The following GSTM2 variants were observed in gnomAD, a reference collection of about 807,000 sequenced individuals.
GSTM2 encodes GST class-mu 2.
GSTM2 carries 33 observed loss-of-function variants against 33.3 expected under a neutral mutation model. The observed-to-expected ratio is 0.99, with a 90% CI of 0.75 to 1.33. The LOEUF is 1.33. Among genes scored for constraint, GSTM2 ranks in the 40% most tolerant of loss-of-function variants. The pLI is 0.00. For missense variants in GSTM2, 213 were observed against 265.8 expected, an observed-to-expected ratio of 0.80 and a Z score of 1.38; for synonymous variants, 93 against 95.6, an observed-to-expected ratio of 0.97 and a Z score of 0.16.
At chr1:109,677,583 C>T (rs189851263), downstream of GSTM2, among the ~76,000 whole-genome samples, 44 of 152,268 alleles carry the variant, frequency 2.9e-4, 1 homozygote, top group Admixed American at 6.5e-4. Context: ...TCCACTTACA[C>T]GAAAATCAGG....
intron 5 of GSTM2, chr1:109,670,013 T>C (rs539804196): frequency 1.2e-5 from 1 of 83,248 alleles, no homozygotes; most frequent in East Asian, 3.6e-4. Flanking sequence ...GGATTTATGG[T>C]GACGAGTGAA....
chr1:109,668,237 G>GT, intron 1 of GSTM2, 86 bp downstream of exon 1: 1 of 1,453,132 alleles, frequency 6.9e-7, no homozygotes, highest in Non-Finnish European at 9.6e-7. Context: ...TCTAGGGACG[G>GT]TTCCTCTTCA....
chr1:109,673,105 G>A lies in GSTM2; in HGVS notation c.567+1522G>A, dbSNP rs1440064333. The A allele has an allele frequency of 1.2e-5, 18 of 1,464,734 alleles. No individual in the cohort carries two copies. In the Admixed American group the frequency reaches 3.0e-4, roughly 25 times the overall value. 90.7% of individuals were successfully genotyped at this position (1,464,734 alleles called of 1,614,324 possible). On this transcript the variant is annotated intron_variant, in intron 7 of 7. Coordinates refer to ENST00000241337, the MANE Select transcript of GSTM2 (RefSeq NM_000848.4). ...GGCTGGTCTCAAACTCCTGACCTCA[G>A]GTGATCCACCCACCTCAGCCTCCCT...
Position 109,669,579 on chromosome 1 carries a change from C to T in GSTM2, c.360+8C>T, listed in dbSNP as rs777237958. The stretch of plus-strand genomic sequence containing the variant: ...TGCTATGACCCAGATTTTGTAAGTC[C>T]CCCCACCCCACTCCCAGTCTCCCCT... On this transcript the variant is annotated splice_region_variant and intron_variant, in intron 5 of 7. Transcript: ENST00000241337. 1.3e-6 allele frequency: 2 copies of T among 1,549,236 alleles called. No homozygotes were observed. The highest frequency in any genetic ancestry group is 1.7e-5 in the Admixed American group (1 of 59,632).
At chr1:109,678,582 C>T (rs995332580), downstream of GSTM2, among the ~76,000 whole-genome samples, 9 of 151,752 alleles carry the variant, frequency 5.9e-5, no homozygotes, top group Non-Finnish European at 1.5e-5. Context: ...CACATCTCTA[C>T]TAAAAATATC....
chr1:109,679,459 C>T (rs893094512), downstream of GSTM2, among the ~76,000 whole-genome samples: 1 of 152,154 alleles, frequency 6.6e-6, no homozygotes, highest in African/African-American at 2.4e-5. Flanking sequence ...GCTTGGGTGA[C>T]AGAGTGAGAT....
At chr1:109,673,132 A>G in intron 7 of GSTM2, 1 of 1,583,226 alleles carries the variant, frequency 6.3e-7, no homozygotes, top group Admixed American at 1.8e-5. Context: ...AGCCTCCCTA[A>G]GTGCTGGGAT....
rs965941477 is a variant in GSTM2, at chr1:109,674,607, A to G, written c.568-140A>G. On this transcript the variant is annotated intron_variant, in intron 7 of 7. Coordinates refer to ENST00000241337, the MANE Select transcript of GSTM2 (RefSeq NM_000848.4). ...ACTCCGCAGATCTGGGGACCCTAAG[A>G]AGCTGTGTGATGCCTCAGCACTTGA... is the stretch of plus-strand genomic sequence containing the variant. The G allele has an allele frequency of 7.3e-6, 7 of 958,850 alleles. No homozygotes were observed. In the African/African-American group the frequency reaches 1.1e-4, roughly 15 times the overall value. 59.4% of individuals were successfully genotyped at this position (958,850 alleles called of 1,614,324 possible).
Position 109,671,355 on chromosome 1 carries a change from G to A in GSTM2, c.429G>A (p.Gly143=). Residue 143 remains glycine (G), a synonymous_variant, in exon 6 of 8, where the codon GGG becomes GGA. Transcript: ENST00000241337. ...EMLKLYSQFL[G]KQPWFLGDKI... is the part of the protein sequence containing the mutation. ...TGAAGCTCTACTCACAGTTTCTGGG[G>A]AAGCAGCCATGGTTTCTTGGGGACA... The A allele has an allele frequency of 6.2e-7, 1 of 1,613,910 alleles. No homozygotes were observed. The highest frequency in any genetic ancestry group is 1.1e-5 in the South Asian group (1 of 91,078).
chr1:109,669,015 T>TG (rs1432602369), intron 3 of GSTM2, 26 bp downstream of exon 3: 1 of 1,608,674 alleles, frequency 6.2e-7, no homozygotes, highest in Non-Finnish European at 8.5e-7. Context: ...GGGGCGGTTT[T>TG]GGGGGAAAGT....
chr1:109,668,115 C>T lies in GSTM2; in HGVS notation c.-1C>T. On this transcript the variant is annotated 5_prime_UTR_variant, in exon 1 of 8. Coordinates refer to ENST00000241337, the MANE Select transcript of GSTM2 (RefSeq NM_000848.4). ...CTGCAGAATCCACAGCAACCAGCAC[C>T]ATGCCCATGACACTGGGGTACTGGA... 1 of 1,614,004 alleles carries T rather than the reference C, an allele frequency of 6.2e-7. No individual in the cohort carries two copies. The highest frequency in any genetic ancestry group is 8.5e-7 in the Non-Finnish European group (1 of 1,179,896).
In GSTM2 at chr1:109,671,499, T is replaced by C. The variant is rs559293652; in HGVS notation, c.483T>C (p.Tyr161=). 3.7e-6 allele frequency: 6 copies of C among 1,613,228 alleles called. 1 individual carries two copies. The South Asian group carries it at 6.6e-5, about 18-fold the overall frequency. The stretch of plus-strand genomic sequence containing the variant: ...TCACCTTTGTGGATTTCATCGCTTA[T>C]GATGTCCTTGAGAGAAACCAAGTAT... ...DKITFVDFIA[Y]DVLERNQVFE... Residue 161 remains tyrosine, a synonymous_variant, in exon 7 of 8, where the codon TAT becomes TAC. Transcript: ENST00000241337.
chr1:109,676,946 C>T (rs1647719554), downstream of GSTM2, among the ~76,000 whole-genome samples: 1 of 152,130 alleles, frequency 6.6e-6, no homozygotes, highest in South Asian at 2.1e-4. Flanking sequence ...CAAGGCTCAG[C>T]AGGGAGATCT....
intron 2 of GSTM2, chr1:109,668,722 C>G: frequency 1.2e-6 from 1 of 804,248 alleles, no homozygotes; most frequent in Non-Finnish European, 2.0e-6. Context: ...CAGGGCTTGC[C>G]TAAACCCTGG....
chr1:109,669,855 T>G, intron 5 of GSTM2: 1 of 393,758 alleles, frequency 2.5e-6, no homozygotes, highest in Non-Finnish European at 4.6e-6. Context: ...CAGTGAGTGC[T>G]ACAGCTCTTA....
At chr1:109,669,615 C>T in intron 5 of GSTM2, 44 bp downstream of exon 5, 3 of 1,197,534 alleles carry the variant, frequency 2.5e-6, no homozygotes, top group Non-Finnish European at 3.7e-6. Flanking sequence ...TCCCTACTCC[C>T]AGTCTCCCCT....
Position 109,669,557 on chromosome 1 carries a change from T to G in GSTM2, c.346T>G (p.Tyr116Asp). 6.2e-7 allele frequency: 1 copy of G among 1,605,564 alleles called. No individual in the cohort carries two copies. Among genetic ancestry groups the G allele is most frequent in the Non-Finnish European group, 8.5e-7 (1 of 1,172,678 alleles). ...DSRMQLAKLC[Y>D]DPDFEKLKPE... ...CCGTATGCAGCTGGCCAAACTCTGC[T>G]ATGACCCAGATTTTGTAAGTCCCCC... is the stretch of plus-strand genomic sequence containing the variant. The change falls in exon 5 of 8, where the codon TAT becomes GAT. Residue 116 changes from tyrosine to aspartate, a missense_variant. Transcript: ENST00000241337.
At chr1:109,671,426 TC>T (rs1319443204) in intron 6 of GSTM2, 44 bp downstream of exon 6, 1 of 1,574,282 alleles carries the variant, frequency 6.4e-7, no homozygotes, top group African/African-American at 1.3e-5. Flanking sequence ...TTGTCATACT[TC>T]CTATATTATG....
rs188051297 is a variant in GSTM2 at position 109,673,229 on chromosome 1, C to T, written c.568-1518C>T. ...TGTTCCCCCTGTGAGATGAGTAGCA[C>T]GCTGATTTTACTCCTGTTCACTGAC... On this transcript the variant is annotated intron_variant, in intron 7 of 7. Transcript: ENST00000241337. 1.7e-3 allele frequency: 2,680 copies of T among 1,612,018 alleles called. 52 individuals carry two copies. In the South Asian group the frequency reaches 0.023, roughly 14 times the overall value.
Sources: gnomAD v4.1 joint callset for allele counts (sites outside exome capture counted in the v4.1 genomes callset) on GRCh38, gnomAD v4.1.1 for gene constraint, MANE v1.5 for transcripts, NCBI Gene and HGNC (gene_info 2026-07-23, HGNC 2026-07-21) for gene names.